Variants in SORBS2 observed in about 807,000 individuals in gnomAD.
SORBS2 encodes sorbin and SH3 domain containing 2, also known as sorbin and SH3 domain-containing protein 2.
Under a neutral mutation model 97.7 loss-of-function variants are expected in SORBS2, and 46 were observed. The observed-to-expected ratio is 0.47, with a 90% CI of 0.37 to 0.60. The LOEUF (loss-of-function observed/expected upper bound fraction) is 0.60. SORBS2 is among the 20% of genes least tolerant of loss of function. The pLI is 0.00. For missense variants in SORBS2, 1,316 were observed against 1,282.3 expected, an observed-to-expected ratio of 1.03 and a Z score of -0.40; for synonymous variants, 476 against 473.4, an observed-to-expected ratio of 1.01 and a Z score of -0.07.
At chr4:185,710,133 T>A (rs1209717440) in intron 2 of SORBS2, among the ~76,000 whole-genome samples, 3 of 99,060 alleles carry the variant, frequency 3.0e-5, no homozygotes, top group African/African-American at 9.6e-5. Flanking sequence ...AGATCCCCAG[T>A]AATATTTCAG....
At chr4:185,618,036 G>T (rs1225279526) in intron 9 of SORBS2, among the ~76,000 whole-genome samples, 1 of 151,974 alleles carries the variant, frequency 6.6e-6, no homozygotes, top group Non-Finnish European at 1.5e-5. Context: ...GTGCAGTGGC[G>T]CAACCTCAGC....
chr4:185,732,584 T>C (rs1488756495), intron 2 of SORBS2, among the ~76,000 whole-genome samples: 1 of 151,928 alleles, frequency 6.6e-6, no homozygotes, highest in Non-Finnish European at 1.5e-5. Flanking sequence ...CCCTGCAGAG[T>C]GGGTCAGTTC....
chr4:185,890,345 T>C (rs1020971403), intron 1 of SORBS2, among the ~76,000 whole-genome samples: 1 of 152,206 alleles, frequency 6.6e-6, no homozygotes, highest in Non-Finnish European at 1.5e-5. Context: ...GGCTAACATC[T>C]ATGGAATTCT....
At chr4:185,896,477 G>A (rs368294768) in intron 1 of SORBS2, among the ~76,000 whole-genome samples, 21 of 152,144 alleles carry the variant, frequency 1.4e-4, no homozygotes, top group African/African-American at 2.2e-4. Context: ...CCAGCTACAC[G>A]GGAGGCTGAG....
intron 2 of SORBS2, among the ~76,000 whole-genome samples, chr4:185,714,098 T>C (rs983958934): frequency 6.6e-6 from 1 of 152,260 alleles, no homozygotes; most frequent in Non-Finnish European, 1.5e-5. Context: ...TTTAAGTGGA[T>C]ATATGGTTGA....
chr4:185,845,669 C>T (rs1357942861), intron 1 of SORBS2, among the ~76,000 whole-genome samples: 1 of 151,848 alleles, frequency 6.6e-6, no homozygotes, highest in Non-Finnish European at 1.5e-5. Flanking sequence ...GGCTGGTATA[C>T]AGAATATATA....
Position 185,651,782 on chromosome 4 carries a change from A to T in SORBS2, c.91+880T>A, listed in dbSNP as rs770675314. 4.0e-6 allele frequency: 6 copies of T among 1,498,510 alleles called. No homozygotes were observed. Among genetic ancestry groups the T allele is most frequent in the Non-Finnish European group, 4.6e-6 (5 of 1,077,348 alleles). 92.8% of individuals were successfully genotyped at this position (1,498,510 alleles called of 1,614,324 possible). A position where few individuals can be genotyped will look rare whatever the true frequency, so the allele number is the denominator to read the frequency against. On this transcript the variant is annotated intron_variant, in intron 2 of 14. Transcript: ENST00000418609. ...CATTGCGAGCAAGGAAACCCATCCT[A>T]CCTGCATTGTATGTATAAGGAGTAT...
intron 1 of SORBS2, among the ~76,000 whole-genome samples, chr4:185,803,820 G>T (rs2099141650): frequency 1.3e-5 from 2 of 152,182 alleles, no homozygotes; most frequent in Non-Finnish European, 2.9e-5. Context: ...GAGTGTGAAA[G>T]AATTCAGGAT....
intron 2 of SORBS2, among the ~76,000 whole-genome samples, chr4:185,726,848 G>T (rs1273856572): frequency 6.6e-6 from 1 of 152,184 alleles, no homozygotes; most frequent in Non-Finnish European, 1.5e-5. Flanking sequence ...AGAAGCTATG[G>T]AGATGCATCC....
intron 2 of SORBS2, among the ~76,000 whole-genome samples, chr4:185,754,131 AG>A (rs201974478): frequency 0.091 from 13,852 of 152,214 alleles, 830 homozygotes; most frequent in South Asian, 0.17. Flanking sequence ...AAAAAGGACA[AG>A]ATGATGTCCT....
intron 1 of SORBS2, among the ~76,000 whole-genome samples, chr4:185,829,381 AT>A (rs1182306444): frequency 6.6e-6 from 1 of 152,250 alleles, no homozygotes; most frequent in Non-Finnish European, 1.5e-5. Context: ...TGAAATGCAG[AT>A]TCCAGCTATT....
At chr4:185,587,060 C>T (rs1184823308) in exon 15 of SORBS2, 7 of 152,726 alleles carry the variant, frequency 4.6e-5, no homozygotes. Context: ...GTTGTAATCA[C>T]TGTGCATATT....
chr4:185,683,678 A>G (rs185156043), intron 2 of SORBS2, among the ~76,000 whole-genome samples: 3 of 151,672 alleles, frequency 2.0e-5, no homozygotes, highest in East Asian at 2.0e-4. Flanking sequence ...TTAACTTAAT[A>G]TATAACTGAA....
chr4:185,859,820 A>C (rs2099222654), intron 1 of SORBS2, among the ~76,000 whole-genome samples: 1 of 152,236 alleles, frequency 6.6e-6, no homozygotes, highest in Non-Finnish European at 1.5e-5. Context: ...CAGGGAATGC[A>C]TAATCAACAA....
intron 14 of SORBS2, chr4:185,587,974 A>G (rs1337579883): frequency 6.0e-6 from 2 of 333,882 alleles, no homozygotes; most frequent in Non-Finnish European, 1.1e-5. Context: ...AGCCCTGCTG[A>G]GGAGGGGGGC....
intron 4 of SORBS2, among the ~76,000 whole-genome samples, chr4:185,640,848 C>T (rs35511820): frequency 0.21 from 31,723 of 152,056 alleles, 3,683 homozygotes; most frequent in Admixed American, 0.27. Context: ...GGAAAACTAA[C>T]CTCTGACTCT....
chr4:185,908,237 T>G (rs2099252245), intron 1 of SORBS2, among the ~76,000 whole-genome samples: 1 of 133,454 alleles, frequency 7.5e-6, no homozygotes, highest in South Asian at 2.5e-4. Context: ...TATAGATAAA[T>G]TATGGTCTGA....
intron 1 of SORBS2, among the ~76,000 whole-genome samples, chr4:185,777,434 C>T (rs956812735): frequency 6.6e-6 from 1 of 151,984 alleles, no homozygotes; most frequent in African/African-American, 2.4e-5. Flanking sequence ...TCTTTTTCCT[C>T]CTTATAATAG....
chr4:185,898,819 G>A (rs953895588), intron 1 of SORBS2, among the ~76,000 whole-genome samples: 2 of 152,182 alleles, frequency 1.3e-5, no homozygotes, highest in African/African-American at 4.8e-5. Flanking sequence ...AAGGCATGGT[G>A]AGATTTAATA....
Sources: gnomAD v4.1 joint callset for allele counts (sites outside exome capture counted in the v4.1 genomes callset) on GRCh38, gnomAD v4.1.1 for gene constraint, MANE v1.5 for transcripts, NCBI Gene and HGNC (gene_info 2026-07-23, HGNC 2026-07-21) for gene names.